The following ASCC1 variants were observed in gnomAD, a reference collection of about 807,000 sequenced individuals.
ASCC1 encodes activating signal cointegrator 1 complex subunit 1, also known as ASC-1 complex subunit P50.
ASCC1 carries 35 observed loss-of-function variants against 46.6 expected under a neutral mutation model. That is an observed-to-expected ratio of 0.75 (90% CI 0.57 to 0.99). ASCC1 has a LOEUF of 0.99. Ranked by LOEUF, ASCC1 falls within the 50% of genes least tolerant of loss-of-function variation. The probability of loss-of-function intolerance (pLI) is 0.00; values close to 1 mark genes in which losing one functional copy is unlikely to be tolerated. For synonymous variants in ASCC1, 143 were observed against 146.6 expected (o/e 0.98, Z 0.18); for missense variants, 376 against 428.7 (o/e 0.88, Z 1.09).
intron 7 of ASCC1, among the ~76,000 whole-genome samples, chr10:72,138,985 A>G (rs1846622863): frequency 6.6e-6 from 1 of 152,230 alleles, no homozygotes; most frequent in South Asian, 2.1e-4. Flanking sequence ...AACAGTCTTT[A>G]CATGCATTCA....
At chr10:72,099,607 G>A (rs1435962006) in intron 9 of ASCC1, among the ~76,000 whole-genome samples, 1 of 152,158 alleles carries the variant, frequency 6.6e-6, no homozygotes, top group Non-Finnish European at 1.5e-5. Context: ...GATCACCTGA[G>A]GTTGGGAGTT....
At chr10:72,176,355 C>A (rs372129395) in intron 5 of ASCC1, among the ~76,000 whole-genome samples, 4 of 152,044 alleles carry the variant, frequency 2.6e-5, no homozygotes, top group East Asian at 1.9e-4. Context: ...TTCTTTCTTT[C>A]TTTTGGAGAC....
intron 7 of ASCC1, among the ~76,000 whole-genome samples, chr10:72,152,376 C>T (rs767381498): frequency 6.6e-6 from 1 of 151,944 alleles, no homozygotes; most frequent in Non-Finnish European, 1.5e-5. Flanking sequence ...TTTTCATCCC[C>T]ATTTTGTCCT....
At chr10:72,097,573 T>C in intron 9 of ASCC1, 123 bp from the exon 10 acceptor site, 1 of 654,214 alleles carries the variant, frequency 1.5e-6, no homozygotes, top group South Asian at 1.6e-5. Context: ...ATGCTTTTTC[T>C]TTTCAGTGTT....
chr10:72,212,258 A>C (rs970423055), intron 2 of ASCC1: 1 of 191,354 alleles, frequency 5.2e-6, no homozygotes, highest in East Asian at 1.8e-4. Context: ...GGTTGCAGAG[A>C]GCCCAGATCA....
chr10:72,166,422 G>C (rs765281003), intron 5 of ASCC1, among the ~76,000 whole-genome samples: 7 of 150,746 alleles, frequency 4.6e-5, no homozygotes, highest in Non-Finnish European at 5.9e-5. Context: ...GGGCAACTTA[G>C]ACCAGTTCAA....
intron 8 of ASCC1, among the ~76,000 whole-genome samples, chr10:72,129,792 G>A (rs1488174067): frequency 2.0e-5 from 3 of 150,536 alleles, no homozygotes; most frequent in African/African-American, 4.9e-5. Flanking sequence ...GGCAACAAGA[G>A]CAAAACTTCA....
chr10:72,149,495 C>CAAAT (rs58020959), intron 7 of ASCC1, among the ~76,000 whole-genome samples: 18,515 of 91,340 alleles, frequency 0.2, 3,717 homozygotes, highest in African/African-American at 0.51. Context: ...AATGAATAAA[C>CAAAT]AAGTAAATTT....
intron 7 of ASCC1, among the ~76,000 whole-genome samples, chr10:72,140,711 A>G (rs1379112115): frequency 6.6e-6 from 1 of 152,198 alleles, no homozygotes; most frequent in African/African-American, 2.4e-5. Context: ...CACTTCACCC[A>G]TCTGTAAGAT....
intron 5 of ASCC1, among the ~76,000 whole-genome samples, chr10:72,194,994 A>G (rs1855145884): frequency 6.6e-6 from 1 of 152,034 alleles, no homozygotes; most frequent in African/African-American, 2.4e-5. Flanking sequence ...AACCCACCTC[A>G]GCCTCCCAAA....
chr10:72,160,216 A>G (rs1251694939), intron 6 of ASCC1, among the ~76,000 whole-genome samples: 2 of 152,098 alleles, frequency 1.3e-5, no homozygotes, highest in Non-Finnish European at 2.9e-5. Context: ...ACAGTTTCAT[A>G]TACAACATAA....
At chr10:72,131,370 G>A (rs1845568412) in intron 8 of ASCC1, among the ~76,000 whole-genome samples, 1 of 151,942 alleles carries the variant, frequency 6.6e-6, no homozygotes, top group Non-Finnish European at 1.5e-5. Flanking sequence ...AGTGAGCTGA[G>A]ATGGCGCCAC....
intron 9 of ASCC1, among the ~76,000 whole-genome samples, chr10:72,116,077 C>T (rs112948868): frequency 5.3e-5 from 8 of 152,306 alleles, no homozygotes; most frequent in African/African-American, 1.7e-4. Context: ...TATAAACACA[C>T]GTACACCCCA....
In ASCC1 at chr10:72,133,053, T is replaced by C. The variant is rs760488500; in HGVS notation, c.871+4A>G. On this transcript the variant is annotated splice_donor_region_variant and intron_variant, in intron 8 of 9. Coordinates refer to ENST00000672957, the MANE Select transcript of ASCC1 (RefSeq NM_001198800.3). Reference sequence around the variant, plus strand: ...ACTGTGCTATAGTTCTCTGGGGGACTTACCATTGGGGTCTTTCCTGAATAG... The same window carrying C: ...ACTGTGCTATAGTTCTCTGGGGGACCTACCATTGGGGTCTTTCCTGAATAG... 21 of 1,614,020 alleles carry C rather than the reference T, an allele frequency of 1.3e-5. No homozygotes were observed. The East Asian group carries it at 4.7e-4, about 36-fold the overall frequency.
rs189602145 is a variant in ASCC1 at position 72,190,774 on chromosome 10, G to T, written c.489+6037C>A. ...GCACTTTGGGAAGCCGAGGAAGACAGATCACGAGGTCAAGAGATCGAGACC... is the reference window on the plus strand; with the variant it reads ...GCACTTTGGGAAGCCGAGGAAGACATATCACGAGGTCAAGAGATCGAGACC... On this transcript the variant is annotated intron_variant, in intron 5 of 9. Transcript: ENST00000672957. 1.0e-3 allele frequency among the ~76,000 whole-genome samples: 155 copies of T among 152,044 alleles called. 3 individuals are homozygous for T. The highest frequency in any genetic ancestry group is 3.1e-3 in the African/African-American group (129 of 41,502).
intron 6 of ASCC1, among the ~76,000 whole-genome samples, chr10:72,160,165 A>G (rs1407985041): frequency 6.6e-6 from 1 of 152,030 alleles, no homozygotes; most frequent in Non-Finnish European, 1.5e-5. Context: ...CGGCCTCCCA[A>G]AGTGCTGGGA....
chr10:72,198,023 G>A, intron 4 of ASCC1, among the ~76,000 whole-genome samples: 1 of 24,946 alleles, frequency 4.0e-5, no homozygotes, highest in Non-Finnish European at 7.6e-5. Flanking sequence ...AAAAAGGGAA[G>A]GGAAGGGAAG....
intron 9 of ASCC1, among the ~76,000 whole-genome samples, chr10:72,098,989 A>G (rs949891102): frequency 3.3e-5 from 5 of 152,260 alleles, no homozygotes; most frequent in African/African-American, 1.2e-4. Flanking sequence ...TGACAGATTT[A>G]TAGCTCTGCA....
intron 7 of ASCC1, among the ~76,000 whole-genome samples, chr10:72,152,312 G>T (rs1180042539): frequency 6.6e-6 from 1 of 151,736 alleles, no homozygotes; most frequent in Non-Finnish European, 1.5e-5. Flanking sequence ...TTACGGGCGT[G>T]AGCCACCATG....
Sources: allele counts gnomAD v4.1 joint callset (sites outside exome capture counted in the v4.1 genomes callset), GRCh38; gene constraint gnomAD v4.1.1; transcripts MANE v1.5; gene names NCBI Gene and HGNC (gene_info 2026-07-23, HGNC 2026-07-21).